The following DDX46 variants were observed in gnomAD, a reference collection of about 807,000 sequenced individuals.
DDX46 encodes probable ATP-dependent RNA helicase DDX46.
DDX46 carries 30 observed loss-of-function variants against 134.9 expected under a neutral mutation model. That is an observed-to-expected ratio of 0.22 (90% CI 0.17 to 0.30). The LOEUF (loss-of-function observed/expected upper bound fraction) is 0.30, where lower values mean the gene tolerates loss of function less well. Among genes scored for constraint, DDX46 ranks in the 10% least tolerant of loss-of-function variants. DDX46 has a pLI of 1.00. For synonymous variants in DDX46, 415 were observed against 404.1 expected, an observed-to-expected ratio of 1.03 and a Z score of -0.32; for missense variants, 622 against 1,248.7, an observed-to-expected ratio of 0.50 and a Z score of 7.56.
chr5:134,777,054 T>TA lies in DDX46; in HGVS notation c.614-512dup, dbSNP rs571142648. The stretch of plus-strand genomic sequence containing the variant: ...GGTGAAACCCCCTCTTTACTAAAAA[T>TA]AAAAAAAATTAGTGGCATGGTGGCG... On this transcript the variant is annotated intron_variant, in intron 5 of 22. Coordinates refer to ENST00000452510, the MANE Select transcript of DDX46 (RefSeq NM_001300860.2). 6.8e-3 allele frequency among the ~76,000 whole-genome samples: 1,028 copies of TA among 151,604 alleles called. 9 individuals are homozygous for TA. Among genetic ancestry groups the TA allele is most frequent in the Non-Finnish European group, 0.012 (842 of 67,888 alleles).
At chr5:134,795,375 A>G (rs1424098351) in intron 14 of DDX46, among the ~76,000 whole-genome samples, 2 of 152,094 alleles carry the variant, frequency 1.3e-5, no homozygotes, top group African/African-American at 4.8e-5. Context: ...CAGATTGCCT[A>G]AAGAATGGGA....
chr5:134,763,925 A>G lies in DDX46; in HGVS notation c.39A>G (p.Ala13=), dbSNP rs766730137. 1.2e-6 allele frequency: 2 copies of G among 1,614,142 alleles called. No homozygotes were observed. Among genetic ancestry groups the G allele is most frequent in the South Asian group, 2.2e-5 (2 of 91,056 alleles). ...CTAGCCACTATCGAAAACGATCGGCATCCCGGGGTCGCTCTGGAAGTCGGT... is the reference window on the plus strand; with the variant it reads ...CTAGCCACTATCGAAAACGATCGGCGTCCCGGGGTCGCTCTGGAAGTCGGT... The part of the protein sequence containing the change: ...RESRHYRKRS[A]SRGRSGSRSR... The change falls in exon 2 of 23, where the codon GCA becomes GCG. Residue 13 remains alanine, a synonymous_variant. Coordinates refer to ENST00000452510, the MANE Select transcript of DDX46 (RefSeq NM_001300860.2).
chr5:134,771,420 C>T (rs1580776946), intron 4 of DDX46, among the ~76,000 whole-genome samples: 1 of 127,596 alleles, frequency 7.8e-6, no homozygotes, highest in East Asian at 3.1e-4. Context: ...GGGCCAGGCA[C>T]GGTGGCTCAC....
At position 134,773,682 on chromosome 5, in the gene DDX46, T is replaced by C; in HGVS notation, c.448-14T>C. The C allele has an allele frequency of 6.4e-7, 1 of 1,563,784 alleles. No homozygotes were observed. Among genetic ancestry groups the C allele is most frequent in the Admixed American group, 2.1e-5 (1 of 47,638 alleles). ...TATTTTCCCCCATCTCTTTCTTTCT[T>C]TTATTCCCCCAAGAACTTTGACCAG... On this transcript the variant is annotated splice_polypyrimidine_tract_variant and intron_variant, in intron 4 of 22. Transcript: ENST00000452510.
chr5:134,804,530 C>T (rs979072801), intron 15 of DDX46, among the ~76,000 whole-genome samples: 3 of 152,138 alleles, frequency 2.0e-5, no homozygotes, highest in Non-Finnish European at 4.4e-5. Context: ...CTGAACCTCT[C>T]TTTGCTCAGG....
intron 13 of DDX46, among the ~76,000 whole-genome samples, chr5:134,791,418 G>A (rs1446337014): frequency 6.6e-6 from 1 of 152,090 alleles, no homozygotes; most frequent in Non-Finnish European, 1.5e-5. Context: ...AAAATTAGCC[G>A]GGCTTGGTGG....
intron 7 of DDX46, among the ~76,000 whole-genome samples, 199 bp downstream of exon 7, chr5:134,781,445 A>C (rs1754151066): frequency 6.6e-6 from 1 of 152,138 alleles, no homozygotes; most frequent in Non-Finnish European, 1.5e-5. Context: ...CTTCATTCCT[A>C]ACTGTATGAT....
intron 1 of DDX46, 73 bp downstream of exon 1, chr5:134,759,028 T>G: frequency 1.3e-6 from 2 of 1,587,318 alleles, no homozygotes; most frequent in Non-Finnish European, 1.7e-6. Flanking sequence ...GGAGTTGAGG[T>G]GGCCGCCGGG....
intron 1 of DDX46, among the ~76,000 whole-genome samples, chr5:134,759,970 C>A (rs764990593): frequency 1.3e-5 from 2 of 152,156 alleles, no homozygotes; most frequent in Non-Finnish European, 2.9e-5. Context: ...ATTCTACATC[C>A]TTTGCCCATT....
intron 15 of DDX46, among the ~76,000 whole-genome samples, chr5:134,801,751 CTGTT>C (rs1409216545): frequency 6.6e-6 from 1 of 152,038 alleles, no homozygotes; most frequent in African/African-American, 2.4e-5. Context: ...GGATTTATCA[CTGTT>C]TGTGTATCTG....
intron 1 of DDX46, among the ~76,000 whole-genome samples, chr5:134,760,356 A>G (rs951858890): frequency 6.6e-6 from 1 of 152,180 alleles, no homozygotes; most frequent in African/African-American, 2.4e-5. Flanking sequence ...TGTTAGAGAA[A>G]TAGCTAAAAA....
intron 15 of DDX46, among the ~76,000 whole-genome samples, chr5:134,805,408 C>T (rs568301410): frequency 2.6e-5 from 4 of 152,124 alleles, no homozygotes; most frequent in African/African-American, 9.6e-5. Context: ...GCTTGTAATC[C>T]GCCCGCCTCG....
In DDX46 at chr5:134,766,777, A is replaced by G. The variant is rs368148231; in HGVS notation, c.207-140A>G. On this transcript the variant is annotated intron_variant, in intron 2 of 22. Transcript: ENST00000452510. ...TCATTTTTTTCGTTGAGCACTTATA[A>G]GACTTGGCTTTACTTCATTGAGACC... 20 of 1,003,408 alleles carry G rather than the reference A, an allele frequency of 2.0e-5. No individual in the cohort carries two copies. The East Asian group carries it at 3.7e-4, about 18-fold the overall frequency. The allele number at this position is 1,003,408 out of a possible 1,614,324, so 62.2% of individuals were successfully genotyped here. A position where few individuals can be genotyped will look rare whatever the true frequency, so the allele number is the denominator to read the frequency against.
At chr5:134,764,919 C>A (rs1043496738) in intron 2 of DDX46, among the ~76,000 whole-genome samples, 2 of 151,106 alleles carry the variant, frequency 1.3e-5, no homozygotes, top group African/African-American at 4.9e-5. Context: ...CTTTCTCTTT[C>A]TTTCTTCATT....
chr5:134,764,106 T>C lies in DDX46; in HGVS notation c.206+14T>C, dbSNP rs942349533. 1.9e-6 allele frequency: 3 copies of C among 1,583,946 alleles called. No individual in the cohort carries two copies. In the East Asian group the frequency reaches 6.8e-5, roughly 36 times the overall value. ...GAAGCGTCTGAGGTAAGACATTAAT[T>C]AATTTCCAAAAGACGAGTGATAAAT... is the stretch of plus-strand genomic sequence containing the variant. On this transcript the variant is annotated intron_variant, in intron 2 of 22. Transcript: ENST00000452510.
chr5:134,766,535 CAA>C (rs1291268979), intron 2 of DDX46, among the ~76,000 whole-genome samples: 3 of 146,724 alleles, frequency 2.0e-5, no homozygotes, highest in African/African-American at 7.6e-5. Flanking sequence ...GCCTGGGCAA[CAA>C]GAGCAAAACT....
Position 134,814,775 on chromosome 5 carries a change from C to G in DDX46, c.2437-1655C>G, listed in dbSNP as rs116514069. On this transcript the variant is annotated intron_variant, in intron 18 of 22. Transcript: ENST00000452510. ...GGACTACAGGCATGTGCCACCATGC[C>G]TGGGTAACTTTTATATTTTTTGTAG... 8.3e-3 allele frequency among the ~76,000 whole-genome samples: 1,265 copies of G among 152,248 alleles called. 17 individuals are homozygous for G. The highest frequency in any genetic ancestry group is 0.028 in the African/African-American group (1,153 of 41,538).
intron 1 of DDX46, 93 bp downstream of exon 1, chr5:134,759,048 G>A: frequency 6.4e-7 from 1 of 1,560,362 alleles, no homozygotes. Flanking sequence ...GCCAGGCCTG[G>A]CGCGGCCCCA....
At chr5:134,818,073 G>A (rs935184562) in intron 20 of DDX46, among the ~76,000 whole-genome samples, 14 of 151,018 alleles carry the variant, frequency 9.3e-5, no homozygotes, top group African/African-American at 3.2e-4. Flanking sequence ...CCTCAGCCTC[G>A]CGAGTAGCTG....
Sources: gnomAD v4.1 joint callset for allele counts (sites outside exome capture counted in the v4.1 genomes callset) on GRCh38, gnomAD v4.1.1 for gene constraint, MANE v1.5 for transcripts, NCBI Gene and HGNC (gene_info 2026-07-23, HGNC 2026-07-21) for gene names.